MYO6: variants seen among roughly 807,000 people sequenced by gnomAD.
MYO6 encodes the protein myosin VI.
Under a neutral mutation model 178.7 loss-of-function variants are expected in MYO6, and 74 were observed. That is an observed-to-expected ratio of 0.41 (90% CI 0.34 to 0.50). The LOEUF (loss-of-function observed/expected upper bound fraction) is 0.50, where lower values mean the gene tolerates loss of function less well. Ranked by LOEUF, MYO6 falls within the 20% of genes least tolerant of loss-of-function variation. MYO6 has a pLI of 0.09. For missense variants in MYO6, 1,330 were observed against 1,547.4 expected (o/e 0.86, Z 2.36); for synonymous variants, 477 against 504.6 (o/e 0.95, Z 0.73).
chr6:75,811,601 T>C (rs773750895), intron 1 of MYO6, among the ~76,000 whole-genome samples: 6 of 152,230 alleles, frequency 3.9e-5, no homozygotes, highest in African/African-American at 1.2e-4. Flanking sequence ...TTTTGGACTT[T>C]GGGAGTTTTG....
At chr6:75,850,459 G>A (rs1440058621) in intron 11 of MYO6, among the ~76,000 whole-genome samples, 2 of 152,176 alleles carry the variant, frequency 1.3e-5, no homozygotes, top group African/African-American at 4.8e-5. Context: ...TGTGAGAGCT[G>A]GTTCTGCTCA....
intron 1 of MYO6, among the ~76,000 whole-genome samples, chr6:75,761,592 A>AACACACACACACAC (rs3057486): frequency 2.2e-3 from 321 of 143,044 alleles, no homozygotes; most frequent in African/African-American, 7.7e-3. Context: ...GGGCTGTTAG[A>AACACACACACACAC]ACACACACAC....
intron 27 of MYO6, 79 bp from the exon 28 acceptor site, chr6:75,892,451 C>T: frequency 6.3e-7 from 1 of 1,592,444 alleles, no homozygotes; most frequent in Non-Finnish European, 8.6e-7. Flanking sequence ...TATGCTTTCC[C>T]TTTATTTTAA....
At chr6:75,805,098 C>T (rs1275024479) in intron 1 of MYO6, among the ~76,000 whole-genome samples, 1 of 139,080 alleles carries the variant, frequency 7.2e-6, no homozygotes, top group Admixed American at 7.6e-5. Flanking sequence ...GATCTTAGCT[C>T]ACTGCAACCT....
intron 1 of MYO6, among the ~76,000 whole-genome samples, chr6:75,768,769 A>G (rs777975600): frequency 1.4e-4 from 22 of 152,156 alleles, no homozygotes; most frequent in Non-Finnish European, 2.8e-4. Context: ...TATATGAACT[A>G]TATATGAACT....
chr6:75,756,046 A>G (rs111926973), intron 1 of MYO6, among the ~76,000 whole-genome samples: 3,094 of 152,312 alleles, frequency 0.02, 49 homozygotes, highest in Non-Finnish European at 0.029. Context: ...TTTGATAAAT[A>G]TAAGTATGTT....
chr6:75,842,228 G>A (rs1196631675), intron 9 of MYO6, among the ~76,000 whole-genome samples: 4 of 151,922 alleles, frequency 2.6e-5, no homozygotes, highest in Non-Finnish European at 5.9e-5. Flanking sequence ...ACACACCTGA[G>A]CATTACAAGC....
intron 7 of MYO6, 74 bp downstream of exon 7, chr6:75,836,030 T>C: frequency 9.8e-7 from 1 of 1,017,432 alleles, no homozygotes; most frequent in Non-Finnish European, 1.6e-6. Flanking sequence ...GTCTGGAATG[T>C]TCTTCTCTCA....
chr6:75,870,641 T>C lies in MYO6; in HGVS notation c.1945-6T>C. On this transcript the variant is annotated splice_region_variant and splice_polypyrimidine_tract_variant and intron_variant, in intron 18 of 34. Transcript: ENST00000369977. Reference sequence around the variant, plus strand: ...AAATAATAAACTGATTTCCTTTCTTTCACAGACACAGTTAAATTTGCTTCT... The same window carrying C: ...AAATAATAAACTGATTTCCTTTCTTCCACAGACACAGTTAAATTTGCTTCT... 1 of 1,611,218 alleles carries C rather than the reference T, an allele frequency of 6.2e-7. No individual in the cohort carries two copies. Among genetic ancestry groups the C allele is most frequent in the Non-Finnish European group, 8.5e-7 (1 of 1,178,078 alleles).
chr6:75,848,582 A>AT, intron 11 of MYO6, 51 bp downstream of exon 11: 2 of 1,566,078 alleles, frequency 1.3e-6, no homozygotes, highest in African/African-American at 2.8e-5. Context: ...AATTTCTGTT[A>AT]TTTATTTGTC....
chr6:75,779,991 A>G (rs1766792171), intron 1 of MYO6, among the ~76,000 whole-genome samples: 1 of 152,174 alleles, frequency 6.6e-6, no homozygotes, highest in South Asian at 2.1e-4. Flanking sequence ...AGCTGAAAAC[A>G]AATTCTCTCT....
At chr6:75,756,813 G>A (rs1562112660) in intron 1 of MYO6, among the ~76,000 whole-genome samples, 1 of 151,752 alleles carries the variant, frequency 6.6e-6, no homozygotes, top group Non-Finnish European at 1.5e-5. Flanking sequence ...TTATTTGGTG[G>A]TGCTGGAATT....
intron 1 of MYO6, among the ~76,000 whole-genome samples, chr6:75,788,436 A>G (rs1420953543): frequency 3.3e-5 from 5 of 152,106 alleles, no homozygotes; most frequent in African/African-American, 4.8e-5. Context: ...CCTCAGCCCA[A>G]TCTCCTCCCA....
intron 30 of MYO6, among the ~76,000 whole-genome samples, chr6:75,899,848 T>C (rs1779603371): frequency 6.7e-6 from 1 of 149,098 alleles, no homozygotes; most frequent in Non-Finnish European, 1.5e-5. Flanking sequence ...ACTCGTCATC[T>C]AGCATTAGGT....
intron 24 of MYO6, among the ~76,000 whole-genome samples, chr6:75,886,503 G>T (rs3798431): frequency 6.6e-6 from 1 of 152,126 alleles, no homozygotes; most frequent in Non-Finnish European, 1.5e-5. Context: ...ATAAATTAGT[G>T]TATTTCTTAT....
At chr6:75,810,051 T>C (rs1770537138) in intron 1 of MYO6, among the ~76,000 whole-genome samples, 1 of 136,756 alleles carries the variant, frequency 7.3e-6, no homozygotes, top group South Asian at 2.3e-4. Flanking sequence ...CCCATTGCCC[T>C]CCAGCTTGGG....
At chr6:75,903,904 C>A (rs951463433) in intron 30 of MYO6, among the ~76,000 whole-genome samples, 1 of 151,184 alleles carries the variant, frequency 6.6e-6, no homozygotes, top group African/African-American at 2.4e-5. Flanking sequence ...CCTTCAGGAG[C>A]TCTTTTAGGG....
chr6:75,802,393 C>T (rs759426760), intron 1 of MYO6, among the ~76,000 whole-genome samples: 40 of 151,590 alleles, frequency 2.6e-4, no homozygotes, highest in Middle Eastern at 3.2e-3. Context: ...TGCTTGAACC[C>T]GGGAGGTGAA....
intron 29 of MYO6, among the ~76,000 whole-genome samples, chr6:75,897,355 T>A (rs1779382774): frequency 6.6e-6 from 1 of 152,192 alleles, no homozygotes; most frequent in Non-Finnish European, 1.5e-5. Flanking sequence ...TTTTATTAGA[T>A]TGTATTTGTG....
Sources: gnomAD v4.1 joint callset for allele counts (sites outside exome capture counted in the v4.1 genomes callset) on GRCh38, gnomAD v4.1.1 for gene constraint, MANE v1.5 for transcripts, NCBI Gene and HGNC (gene_info 2026-07-23, HGNC 2026-07-21) for gene names.